The following SGCZ variants were observed in gnomAD, a reference collection of about 807,000 sequenced individuals.
SGCZ encodes the protein sarcoglycan zeta.
SGCZ carries 40 observed loss-of-function variants against 41.3 expected under a neutral mutation model. The observed-to-expected ratio is 0.97, with a 90% CI of 0.75 to 1.26. The LOEUF is 1.26. Among genes scored for constraint, SGCZ ranks in the 50% most tolerant of loss-of-function variants. The pLI is 0.00. For missense variants in SGCZ, 552 were observed against 369.8 expected, an observed-to-expected ratio of 1.49 and a Z score of -4.04; for synonymous variants, 206 against 137.5, an observed-to-expected ratio of 1.50 and a Z score of -3.49.
intron 7 of SGCZ, among the ~76,000 whole-genome samples, chr8:14,092,772 CATTA>C (rs1253648349): frequency 1.3e-5 from 2 of 152,034 alleles, no homozygotes; most frequent in East Asian, 1.9e-4. Context: ...AGTGTGAATA[CATTA>C]ATTGTCTTTT....
chr8:14,163,853 TA>T (rs1309384964), intron 5 of SGCZ, among the ~76,000 whole-genome samples: 4 of 152,188 alleles, frequency 2.6e-5, no homozygotes, highest in African/African-American at 9.7e-5. Flanking sequence ...AAATATACTT[TA>T]TTATTTTCTT....
chr8:14,453,498 A>C (rs1051751074), intron 2 of SGCZ, among the ~76,000 whole-genome samples: 2 of 152,192 alleles, frequency 1.3e-5, no homozygotes, highest in East Asian at 3.9e-4. Flanking sequence ...GGATTCCAAA[A>C]CTAAAAGATT....
chr8:14,579,416 A>G (rs1192436325), intron 1 of SGCZ, among the ~76,000 whole-genome samples: 1 of 152,024 alleles, frequency 6.6e-6, no homozygotes, highest in East Asian at 1.9e-4. Context: ...CCCTTAATAC[A>G]CTCTCTATCA....
At chr8:14,550,667 G>A (rs1803776032) in intron 2 of SGCZ, among the ~76,000 whole-genome samples, 1 of 151,794 alleles carries the variant, frequency 6.6e-6, no homozygotes, top group Admixed American at 6.6e-5. Context: ...CATCTCCTGT[G>A]CTTATGAGGT....
At position 14,085,609 on chromosome 8, in the gene SGCZ, A is replaced by C. The variant is rs541608618; in HGVS notation, c.*4834T>G. ...CAAGTATTTCAAATTTTATTCTCCA[A>C]ATAGTGTTCAGCAAGCAGTGAAAGT... On this transcript the variant is annotated 3_prime_UTR_variant, in exon 8 of 8. Coordinates refer to ENST00000382080, the MANE Select transcript of SGCZ (RefSeq NM_139167.4). 6.6e-6 allele frequency among the ~76,000 whole-genome samples: 1 copy of C among 151,798 alleles called. No homozygotes were observed. Among genetic ancestry groups the C allele is most frequent in the East Asian group, 1.9e-4 (1 of 5,154 alleles).
intron 3 of SGCZ, among the ~76,000 whole-genome samples, chr8:14,302,267 C>A (rs557196667): frequency 6.6e-6 from 1 of 152,252 alleles, no homozygotes; most frequent in African/African-American, 2.4e-5. Context: ...TCTGCAAAAA[C>A]ACTGGATATT....
intron 4 of SGCZ, among the ~76,000 whole-genome samples, chr8:14,210,269 G>A (rs1805759978): frequency 6.6e-6 from 1 of 152,062 alleles, no homozygotes; most frequent in Non-Finnish European, 1.5e-5. Flanking sequence ...ATGTTGGCCA[G>A]GCTGGTCTCG....
rs73520363 is a variant in SGCZ at position 14,108,979 on chromosome 8, G to C, written c.548-744C>G. Among the ~76,000 whole-genome samples, 881 of 152,244 alleles carry C rather than the reference G, an allele frequency of 5.8e-3. 8 individuals are homozygous for C. Among genetic ancestry groups the C allele is most frequent in the African/African-American group, 0.02 (851 of 41,540 alleles). On this transcript the variant is annotated intron_variant, in intron 5 of 7. Transcript: ENST00000382080. ...ATAATAGCAGGTCATGAATGAAAAT[G>C]TGGAGGTGAGTTCCAGTGTAGCCTA...
chr8:14,373,750 G>A (rs1326556640), intron 2 of SGCZ, among the ~76,000 whole-genome samples: 1 of 152,002 alleles, frequency 6.6e-6, no homozygotes, highest in Non-Finnish European at 1.5e-5. Flanking sequence ...TGAGATGAGA[G>A]GAATTGTAAA....
intron 1 of SGCZ, among the ~76,000 whole-genome samples, chr8:14,861,754 G>C (rs1017840577): frequency 2.0e-5 from 3 of 151,906 alleles, no homozygotes; most frequent in Non-Finnish European, 4.4e-5. Context: ...CTTTAGACTT[G>C]CACGTGGTGT....
chr8:15,076,770 T>TTG (rs1805548449), intron 1 of SGCZ, among the ~76,000 whole-genome samples: 1 of 150,434 alleles, frequency 6.6e-6, no homozygotes, highest in Non-Finnish European at 1.5e-5. Flanking sequence ...TTTTTTTTTT[T>TTG]GCTTCCCTCC....
intron 2 of SGCZ, among the ~76,000 whole-genome samples, chr8:14,517,767 C>G (rs1314359205): frequency 6.6e-6 from 1 of 151,628 alleles, no homozygotes; most frequent in Non-Finnish European, 1.5e-5. Context: ...ATGCTTTTAG[C>G]TCTTCATGAT....
At chr8:14,298,774 A>G (rs1414374677) in intron 3 of SGCZ, among the ~76,000 whole-genome samples, 1 of 152,094 alleles carries the variant, frequency 6.6e-6, no homozygotes, top group Non-Finnish European at 1.5e-5. Flanking sequence ...AAATTGACCA[A>G]TGGAGTCAAT....
chr8:14,950,492 G>C (rs994523044), intron 1 of SGCZ, among the ~76,000 whole-genome samples: 4 of 151,792 alleles, frequency 2.6e-5, no homozygotes, highest in African/African-American at 9.7e-5. Flanking sequence ...ACCAAGCACT[G>C]AATATCTTTA....
rs1446465141 is a variant in SGCZ at position 14,681,229 on chromosome 8, A to G, written c.40-126303T>C. Among the ~76,000 whole-genome samples, 4 of 152,116 alleles carry G rather than the reference A, an allele frequency of 2.6e-5. No individual in the cohort carries two copies. In the East Asian group the frequency reaches 7.7e-4, roughly 29 times the overall value. ...GATTATGAGTCTTGCAATCAGCCTG[A>G]GGGAGGAAAAAAGACATTATGTACA... is the stretch of plus-strand genomic sequence containing the variant. On this transcript the variant is annotated intron_variant, in intron 1 of 7. Coordinates refer to ENST00000382080, the MANE Select transcript of SGCZ (RefSeq NM_139167.4).
chr8:14,346,528 G>C (rs1802895893), intron 2 of SGCZ, among the ~76,000 whole-genome samples: 1 of 151,972 alleles, frequency 6.6e-6, no homozygotes, highest in African/African-American at 2.4e-5. Flanking sequence ...TCAAGCCATA[G>C]AGTTACATAG....
At chr8:14,564,323 T>C (rs1315126599) in intron 1 of SGCZ, among the ~76,000 whole-genome samples, 4 of 5,502 alleles carry the variant, frequency 7.3e-4, no homozygotes, top group East Asian at 0.027. Flanking sequence ...TTGATCATAT[T>C]TAGATTTAAC....
At chr8:15,014,303 C>T (rs1049249350) in intron 1 of SGCZ, among the ~76,000 whole-genome samples, 1 of 152,172 alleles carries the variant, frequency 6.6e-6, no homozygotes, top group Non-Finnish European at 1.5e-5. Context: ...GGCGTGGTGT[C>T]AGCCCCCCAA....
At chr8:14,177,233 G>C (rs906510019) in intron 4 of SGCZ, among the ~76,000 whole-genome samples, 1 of 152,150 alleles carries the variant, frequency 6.6e-6, no homozygotes, top group African/African-American at 2.4e-5. Context: ...AAAAAGCTAC[G>C]ATATTAACCA....
Sources: allele counts gnomAD v4.1 joint callset (sites outside exome capture counted in the v4.1 genomes callset), GRCh38; gene constraint gnomAD v4.1.1; transcripts MANE v1.5; gene names NCBI Gene and HGNC (gene_info 2026-07-23, HGNC 2026-07-21).